CFAP206: variants seen among roughly 807,000 people sequenced by gnomAD.
CFAP206 encodes cilia- and flagella-associated protein 206.
Under a neutral mutation model 65.4 loss-of-function variants are expected in CFAP206, and 53 were observed. The ratio of observed to expected loss-of-function variants is 0.81; its 90% CI spans 0.65 to 1.02. CFAP206 has a LOEUF of 1.02. Among genes scored for constraint, CFAP206 ranks in the 50% least tolerant of loss-of-function variants. The pLI, the probability that CFAP206 is intolerant of heterozygous loss-of-function variation, is 0.00. For synonymous variants in CFAP206, 250 were observed against 254.4 expected (o/e 0.98, Z 0.17); for missense variants, 663 against 753.2 (o/e 0.88, Z 1.40).
chr6:87,447,237 T>C (rs1388152299), intron 11 of CFAP206, among the ~76,000 whole-genome samples: 1 of 151,932 alleles, frequency 6.6e-6, no homozygotes, highest in Non-Finnish European at 1.5e-5. Context: ...TGAATAGGAG[T>C]GGTGAGAGAG....
chr6:87,458,282 A>G (rs1322776041), intron 11 of CFAP206, among the ~76,000 whole-genome samples: 1 of 152,176 alleles, frequency 6.6e-6, no homozygotes, highest in South Asian at 2.1e-4. Context: ...AAAACTATAT[A>G]GAAATACCAT....
chr6:87,447,726 T>A (rs1336681959), intron 11 of CFAP206, among the ~76,000 whole-genome samples: 1 of 152,092 alleles, frequency 6.6e-6, no homozygotes, highest in African/African-American at 2.4e-5. Context: ...TCCTTTTCCA[T>A]TGTTTGGAAG....
Position 87,419,041 on chromosome 6 carries a change from G to A in CFAP206, c.840+625G>A, listed in dbSNP as rs191548119. ...GTGGGAGGATCACTTGAGCCCAGGA[G>A]GCAGAGGTTGCAGTGAGCCAAGATC... On this transcript the variant is annotated intron_variant, in intron 7 of 12. Transcript: ENST00000369562. Among the ~76,000 whole-genome samples, 328 of 151,178 alleles carry A rather than the reference G, an allele frequency of 2.2e-3. 3 individuals carry two copies. The highest frequency in any genetic ancestry group is 2.4e-3 in the Non-Finnish European group (166 of 67,912).
intron 11 of CFAP206, among the ~76,000 whole-genome samples, chr6:87,445,476 G>A (rs892981413): frequency 2.6e-5 from 4 of 151,920 alleles, no homozygotes; most frequent in African/African-American, 4.8e-5. Context: ...CTGTTCCTGC[G>A]TTAGTTTGTT....
intron 3 of CFAP206, 55 bp downstream of exon 3, chr6:87,410,723 A>G: frequency 2.2e-6 from 3 of 1,337,740 alleles, no homozygotes; most frequent in Non-Finnish European, 2.1e-6. Flanking sequence ...TTGTAAATAC[A>G]ATATTTGTAT....
chr6:87,420,867 A>G (rs1357219570), intron 7 of CFAP206, among the ~76,000 whole-genome samples: 1 of 152,240 alleles, frequency 6.6e-6, no homozygotes, highest in African/African-American at 2.4e-5. Flanking sequence ...AGTCAGGATC[A>G]GGATGAGTTT....
In CFAP206 at chr6:87,415,829, G is replaced by C. The variant is rs1484220470; in HGVS notation, c.427G>C (p.Gly143Arg). 6.2e-7 allele frequency: 1 copy of C among 1,610,168 alleles called. No homozygotes were observed. Among genetic ancestry groups the C allele is most frequent in the Non-Finnish European group, 8.5e-7 (1 of 1,178,320 alleles). Reference protein sequence around the residue: ...KIISYVLLRSGLGSPTDIKTV... With the variant: ...KIISYVLLRSRLGSPTDIKTV... ...TATCAGCTATGTGTTACTCCGCTCT[G>C]GCCTTGGATCCCCTACAGACATCAA... is the stretch of plus-strand genomic sequence containing the variant. The change falls in exon 5 of 13, where the codon GGC becomes CGC. Residue 143 changes from glycine (G) to arginine (R), a missense_variant. Physicochemically the swap from Gly to Arg is moderately radical, Grantham distance 125 (BLOSUM62 -2). Coordinates refer to ENST00000369562, the MANE Select transcript of CFAP206 (RefSeq NM_001031743.3).
intron 11 of CFAP206, among the ~76,000 whole-genome samples, chr6:87,446,276 C>G (rs1768439487): frequency 6.6e-6 from 1 of 152,046 alleles, no homozygotes; most frequent in African/African-American, 2.4e-5. Context: ...AAATATTTGC[C>G]CATGTGTATA....
At chr6:87,409,341 G>T (rs1414559551) in intron 1 of CFAP206, among the ~76,000 whole-genome samples, 1 of 151,442 alleles carries the variant, frequency 6.6e-6, no homozygotes, top group African/African-American at 2.4e-5. Context: ...AGCCTCCCAA[G>T]TAGCTGGGAT....
chr6:87,408,131 AC>A, intron 1 of CFAP206, 42 bp downstream of exon 1: 4 of 958,544 alleles, frequency 4.2e-6, no homozygotes, highest in Non-Finnish European at 5.0e-6. Flanking sequence ...CCGGAGGCGT[AC>A]CCCGCCAGGC....
chr6:87,423,414 A>G (rs1209631861), intron 7 of CFAP206, among the ~76,000 whole-genome samples: 1 of 150,906 alleles, frequency 6.6e-6, no homozygotes, highest in East Asian at 2.0e-4. Context: ...ACGTCCGGCT[A>G]ATTTTTTGTA....
chr6:87,426,894 G>A (rs549314657), intron 8 of CFAP206, among the ~76,000 whole-genome samples: 1 of 152,288 alleles, frequency 6.6e-6, no homozygotes, highest in Non-Finnish European at 1.5e-5. Flanking sequence ...AGTATTGGCT[G>A]TGACAACAGA....
At chr6:87,451,250 A>G (rs1768537638) in intron 11 of CFAP206, among the ~76,000 whole-genome samples, 1 of 152,050 alleles carries the variant, frequency 6.6e-6, no homozygotes, top group Admixed American at 6.5e-5. Flanking sequence ...CCCTTTCCCA[A>G]CTCCAGGCAG....
At chr6:87,454,330 G>A (rs533717171) in intron 11 of CFAP206, among the ~76,000 whole-genome samples, 11 of 152,180 alleles carry the variant, frequency 7.2e-5, no homozygotes, top group East Asian at 3.9e-4. Context: ...TATATCTTCC[G>A]GACAGAAAAC....
chr6:87,429,779 T>C (rs1223977754), intron 9 of CFAP206, among the ~76,000 whole-genome samples: 1 of 152,190 alleles, frequency 6.6e-6, no homozygotes, highest in African/African-American at 2.4e-5. Flanking sequence ...TCTTTTCAAA[T>C]TCTATTTTTT....
chr6:87,409,927 G>A lies in CFAP206; in HGVS notation c.88G>A (p.Glu30Lys), dbSNP rs1206421463. 6.2e-7 allele frequency: 1 copy of A among 1,609,900 alleles called. No individual in the cohort carries two copies. The highest frequency in any genetic ancestry group is 8.5e-7 in the Non-Finnish European group (1 of 1,177,220). Residue 30 changes from glutamate to lysine, a missense_variant, in exon 2 of 13, where the codon GAA becomes AAA. Glu to Lys is a moderately conservative substitution (Grantham distance 56, BLOSUM62 1). Coordinates refer to ENST00000369562, the MANE Select transcript of CFAP206 (RefSeq NM_001031743.3). ...TGCAGCCCATGGAGAGATTGTTTCTGAAACTCTGATTGCTTTTATGGTAAG... is the reference window on the plus strand; with the variant it reads ...TGCAGCCCATGGAGAGATTGTTTCTAAAACTCTGATTGCTTTTATGGTAAG... ...ECAAHGEIVS[E>K]TLIAFMVKAV...
chr6:87,419,121 GT>G (rs780396550), intron 7 of CFAP206, among the ~76,000 whole-genome samples: 68 of 132,566 alleles, frequency 5.1e-4, no homozygotes, highest in Admixed American at 2.6e-3. Context: ...AAAAACGTTT[GT>G]TTTTTTTTTT....
rs566783799 is a variant in CFAP206 at position 87,452,284 on chromosome 6, T to C, written c.1495-8738T>C. ...GGCTTGGGGTGCCCCCTAATATACATAAGGCTGCAATGACCAAAGTCATAG... is the reference window on the plus strand; with the variant it reads ...GGCTTGGGGTGCCCCCTAATATACACAAGGCTGCAATGACCAAAGTCATAG... On this transcript the variant is annotated intron_variant, in intron 11 of 12. Transcript: ENST00000369562. 1.5e-4 allele frequency among the ~76,000 whole-genome samples: 23 copies of C among 152,306 alleles called. No homozygotes were observed. The South Asian group carries it at 4.4e-3, about 29-fold the overall frequency.
At chr6:87,428,940 A>G in intron 9 of CFAP206, 116 bp downstream of exon 9, 1 of 1,070,108 alleles carries the variant, frequency 9.3e-7, no homozygotes, top group Non-Finnish European at 1.4e-6. Context: ...ATTTTTCTTG[A>G]TTATAAAGTA....
Sources: allele counts gnomAD v4.1 joint callset (sites outside exome capture counted in the v4.1 genomes callset), GRCh38; gene constraint gnomAD v4.1.1; transcripts MANE v1.5; gene names NCBI Gene and HGNC (gene_info 2026-07-23, HGNC 2026-07-21).